The following ATP2C1 variants were observed in gnomAD, a reference collection of about 807,000 sequenced individuals.
ATP2C1 encodes calcium-transporting ATPase type 2C member 1.
ATP2C1 carries 31 observed loss-of-function variants against 120.5 expected under a neutral mutation model. The ratio of observed to expected loss-of-function variants is 0.26; its 90% CI spans 0.19 to 0.35. The LOEUF is 0.35. Ranked by LOEUF, ATP2C1 falls within the 10% of genes least tolerant of loss-of-function variation. ATP2C1 has a pLI of 1.00. For missense variants in ATP2C1, 731 were observed against 1,107.5 expected (o/e 0.66, Z 4.83); for synonymous variants, 351 against 358.7 (o/e 0.98, Z 0.24).
At chr3:130,910,324 T>A in intron 2 of ATP2C1, among the ~76,000 whole-genome samples, 1 of 149,444 alleles carries the variant, frequency 6.7e-6, no homozygotes, top group East Asian at 2.0e-4. Context: ...CTGAAGTTGC[T>A]TATCAGCTTA....
intron 10 of ATP2C1, 155 bp from the exon 11 acceptor site, chr3:130,955,949 C>T: frequency 1.6e-6 from 1 of 612,630 alleles, no homozygotes; most frequent in Non-Finnish European, 3.0e-6. Context: ...AAATCTAAGT[C>T]TCAGTTTTCT....
intron 19 of ATP2C1, among the ~76,000 whole-genome samples, chr3:130,979,856 A>G (rs1283201622): frequency 6.6e-6 from 1 of 152,186 alleles, no homozygotes; most frequent in Non-Finnish European, 1.5e-5. Flanking sequence ...TTTGAATGCT[A>G]TTTAAGATTA....
intron 12 of ATP2C1, chr3:130,962,861 A>G (rs1313437792): frequency 2.6e-5 from 4 of 151,956 alleles, no homozygotes; most frequent in East Asian, 1.9e-4. Context: ...TGTTTAGCCA[A>G]TAATGTTGTT....
At chr3:130,850,717 G>C (rs536725130) in exon 1 of ATP2C1, 1 of 519,842 alleles carries the variant, frequency 1.9e-6, no homozygotes, top group Non-Finnish European at 3.3e-6. Flanking sequence ...GGAAGTTGTC[G>C]AGCTACAAAC....
chr3:130,873,671 G>A (rs1488147788), intron 1 of ATP2C1, among the ~76,000 whole-genome samples: 2 of 152,106 alleles, frequency 1.3e-5, no homozygotes, highest in African/African-American at 4.8e-5. Flanking sequence ...ATAGAAACAA[G>A]TTGATGTGCA....
chr3:130,922,219 T>C (rs1454839662), intron 2 of ATP2C1, among the ~76,000 whole-genome samples: 2 of 152,180 alleles, frequency 1.3e-5, no homozygotes, highest in Non-Finnish European at 2.9e-5. Context: ...ATTAACCATC[T>C]CCTCTGGATT....
At chr3:130,907,916 A>G (rs1437440999) in intron 2 of ATP2C1, among the ~76,000 whole-genome samples, 2 of 152,064 alleles carry the variant, frequency 1.3e-5, no homozygotes, top group African/African-American at 2.4e-5. Context: ...CTTTTTGAGT[A>G]CTATGTTTGG....
chr3:130,972,922 C>T (rs1267028706), intron 17 of ATP2C1, among the ~76,000 whole-genome samples: 2 of 151,254 alleles, frequency 1.3e-5, no homozygotes, highest in Non-Finnish European at 2.9e-5. Context: ...AGAAAGGGAT[C>T]TTAGAGAAAG....
intron 7 of ATP2C1, among the ~76,000 whole-genome samples, chr3:130,941,279 C>T (rs759778902): frequency 2.6e-4 from 38 of 144,038 alleles, no homozygotes; most frequent in South Asian, 4.4e-4. Context: ...TGTGTGTGCG[C>T]GCACGCGCGC....
At chr3:130,955,197 A>G (rs2060527943) in intron 10 of ATP2C1, 117 bp downstream of exon 10, 1 of 758,306 alleles carries the variant, frequency 1.3e-6, no homozygotes, top group South Asian at 1.5e-5. Flanking sequence ...TCAGAATGGA[A>G]ATCAGTTGTC....
intron 26 of ATP2C1, among the ~76,000 whole-genome samples, chr3:131,013,538 C>G (rs1284836012): frequency 6.6e-6 from 1 of 152,192 alleles, no homozygotes; most frequent in Non-Finnish European, 1.5e-5. Context: ...CCTTTAAAAC[C>G]TGGAGTGCAC....
chr3:130,887,241 T>A (rs1488627685), intron 1 of ATP2C1, among the ~76,000 whole-genome samples: 1 of 152,200 alleles, frequency 6.6e-6, no homozygotes, highest in African/African-American at 2.4e-5. Flanking sequence ...ACTACCCCCC[T>A]GGCCCTCACT....
chr3:130,887,626 G>T (rs1007332030), intron 1 of ATP2C1, among the ~76,000 whole-genome samples: 1 of 152,054 alleles, frequency 6.6e-6, no homozygotes, highest in Admixed American at 6.6e-5. Flanking sequence ...CTGGGCCATG[G>T]GTGGTTTTCT....
exon 27 of ATP2C1, chr3:131,016,513 G>T (rs1425662857): frequency 2.8e-6 from 2 of 720,146 alleles, no homozygotes; most frequent in Non-Finnish European, 4.5e-6. Flanking sequence ...TATTGATACT[G>T]AACTGTCTTT....
upstream of ATP2C1, among the ~76,000 whole-genome samples, chr3:130,891,318 T>C (rs1281224131): frequency 2.0e-5 from 3 of 152,282 alleles, no homozygotes; most frequent in South Asian, 4.1e-4. Flanking sequence ...AATGCAGCTA[T>C]CAAATTTGAT....
chr3:130,893,972 T>G (rs1024501816), upstream of ATP2C1: 1 of 985,492 alleles, frequency 1.0e-6, no homozygotes, highest in African/African-American at 1.7e-5. Flanking sequence ...CGCACCTCTC[T>G]CAGCGGAAGT....
chr3:130,850,919 CGAA>C (rs1212969959), exon 1 of ATP2C1: 1 of 1,389,938 alleles, frequency 7.2e-7, no homozygotes, highest in Non-Finnish European at 9.3e-7. Flanking sequence ...ACCAAAGAGC[CGAA>C]GAACAGGTAT....
At chr3:130,915,805 C>T (rs1576694878) in intron 2 of ATP2C1, among the ~76,000 whole-genome samples, 1 of 152,282 alleles carries the variant, frequency 6.6e-6, no homozygotes, top group East Asian at 1.9e-4. Context: ...GACAAAGGGA[C>T]TCAGTGGTAG....
chr3:130,978,162 A>G (rs2061606078), intron 18 of ATP2C1, among the ~76,000 whole-genome samples: 1 of 152,190 alleles, frequency 6.6e-6, no homozygotes, highest in African/African-American at 2.4e-5. Flanking sequence ...TAACACCAGG[A>G]ACTGTGAAGT....
Sources: gnomAD v4.1 joint callset for allele counts (sites outside exome capture counted in the v4.1 genomes callset) on GRCh38, gnomAD v4.1.1 for gene constraint, MANE v1.5 for transcripts, NCBI Gene and HGNC (gene_info 2026-07-23, HGNC 2026-07-21) for gene names.